DHRS12: variants seen among roughly 807,000 people sequenced by gnomAD.
DHRS12 encodes dehydrogenase/reductase SDR family member 12.
A neutral mutation model predicts 32.1 loss-of-function variants in DHRS12; 29 were observed. That is an observed-to-expected ratio of 0.90 (90% confidence interval 0.67 to 1.23). The LOEUF (loss-of-function observed/expected upper bound fraction) is 1.23, where lower values mean the gene tolerates loss of function less well. Among genes scored for constraint, DHRS12 ranks in the 50% most tolerant of loss-of-function variants. The pLI is 0.00. For missense variants in DHRS12, 330 were observed against 337.2 expected (o/e 0.98, Z 0.17); for synonymous variants, 150 against 135.9 (o/e 1.10, Z -0.72).
the DHRS12 span, among the ~76,000 whole-genome samples, chr13:51,755,876 C>T: frequency 6.6e-6 from 1 of 152,152 alleles, no homozygotes; most frequent in Non-Finnish European, 1.5e-5. Context: ...TTCCATGGTT[C>T]TGTTTGGTCT....
downstream of DHRS12, chr13:51,765,288 G>A (rs1408433801): frequency 2.0e-5 from 3 of 152,192 alleles, no homozygotes; most frequent in African/African-American, 4.8e-5. Flanking sequence ...CAAGAACCAC[G>A]TCAACCCTCC....
At chr13:51,770,213 TAGGCAA>T (rs1953949569) in intron 7 of DHRS12, among the ~76,000 whole-genome samples, 2 of 152,306 alleles carry the variant, frequency 1.3e-5, no homozygotes, top group South Asian at 4.1e-4. Flanking sequence ...GATAAACTGA[TAGGCAA>T]AAAGAAAAAA....
chr13:51,771,176 G>T lies in DHRS12; in HGVS notation c.559+645C>A. ...ACAAATGCGTTAATCCGCAGACAGC[G>T]CTGAGACCAGTTCTTGGCGCCGCGG... On this transcript the variant is annotated intron_variant, in intron 7 of 8. Transcript: ENST00000444610. 3.9e-6 allele frequency: 6 copies of T among 1,545,994 alleles called. No homozygotes were observed. In the South Asian group the frequency reaches 7.2e-5, roughly 18 times the overall value.
chr13:51,794,480 A>C (rs1186611110), intron 2 of DHRS12, among the ~76,000 whole-genome samples: 1 of 152,222 alleles, frequency 6.6e-6, no homozygotes, highest in Non-Finnish European at 1.5e-5. Context: ...AGAAGCTAGA[A>C]ATCCACATTG....
At chr13:51,776,708 G>A (rs1457084299) in intron 5 of DHRS12, among the ~76,000 whole-genome samples, 1 of 152,200 alleles carries the variant, frequency 6.6e-6, no homozygotes, top group African/African-American at 2.4e-5. Context: ...CCAGTAGCCA[G>A]TCCCTTCCCC....
intron 6 of DHRS12, 148 bp downstream of exon 6, chr13:51,773,782 G>A: frequency 1.5e-6 from 1 of 678,194 alleles, no homozygotes; most frequent in Non-Finnish European, 2.6e-6. Flanking sequence ...GCTCCCCAAA[G>A]GGGAGCCCTC....
Position 51,787,368 on chromosome 13 carries a change from A to G in DHRS12, c.301+2643T>C, listed in dbSNP as rs555120368. Among the ~76,000 whole-genome samples, 10 of 152,154 alleles carry G rather than the reference A, an allele frequency of 6.6e-5. No homozygotes were observed. In the South Asian group the frequency reaches 2.1e-3, roughly 32 times the overall value. On this transcript the variant is annotated intron_variant, in intron 4 of 8. Coordinates refer to ENST00000444610, the MANE Select transcript of DHRS12 (RefSeq NM_001377533.1). ...CTCCTTTTCATCTTCCAAAACCTTTAAGCTTCTCTGAGAGGTGCCCCCAAA... is the reference window on the plus strand; with the variant it reads ...CTCCTTTTCATCTTCCAAAACCTTTGAGCTTCTCTGAGAGGTGCCCCCAAA...
chr13:51,777,906 A>C (rs1440518106), intron 4 of DHRS12, among the ~76,000 whole-genome samples: 1 of 152,254 alleles, frequency 6.6e-6, no homozygotes, highest in Non-Finnish European at 1.5e-5. Context: ...GTTTACAAAA[A>C]AGGGAGAGTT....
downstream of DHRS12, chr13:51,767,424 A>AGAG (rs1696241093): frequency 6.6e-6 from 1 of 152,222 alleles, no homozygotes; most frequent in African/African-American, 2.4e-5. Flanking sequence ...GCCCTGGATC[A>AGAG]GAGTGTCTCC....
chr13:51,776,183 C>T (rs61958310), intron 5 of DHRS12: 2,383 of 42,090 alleles, frequency 0.057, 352 homozygotes, highest in South Asian at 0.15. Flanking sequence ...CCTACATGTA[C>T]TCTACAGTAT....
chr13:51,783,547 G>T (rs968839814), intron 4 of DHRS12, among the ~76,000 whole-genome samples: 1 of 152,152 alleles, frequency 6.6e-6, no homozygotes, highest in Non-Finnish European at 1.5e-5. Context: ...TGTGACAGAT[G>T]CAGTCATGTA....
chr13:51,770,256 C>T (rs1006156388), intron 7 of DHRS12, among the ~76,000 whole-genome samples: 3 of 152,158 alleles, frequency 2.0e-5, no homozygotes, highest in Admixed American at 6.5e-5. Flanking sequence ...TGTGTCACTC[C>T]GCGGTGACAC....
Position 51,804,027 on chromosome 13 carries a change from G to A in DHRS12, c.-9+27C>T, listed in dbSNP as rs1566315979. 7.5e-6 allele frequency: 11 copies of A among 1,463,288 alleles called. No individual in the cohort carries two copies. The East Asian group carries it at 2.1e-4, about 28-fold the overall frequency. 90.6% of individuals were successfully genotyped at this position (1,463,288 alleles called of 1,614,324 possible). A position where few individuals can be genotyped will look rare whatever the true frequency, so the allele number is the denominator to read the frequency against. ...GAGGCGGGCCACGTGACAGCCCGGG[G>A]CCCCGCGCCCCGCCGCGCCGCCTTA... On this transcript the variant is annotated intron_variant, in intron 1 of 8. Coordinates refer to ENST00000444610, the MANE Select transcript of DHRS12 (RefSeq NM_001377533.1).
chr13:51,768,024 T>G lies in DHRS12; in HGVS notation c.*163A>C, dbSNP rs555725154. 71 of 1,429,272 alleles carry G rather than the reference T, an allele frequency of 5.0e-5. No individual in the cohort carries two copies. The highest frequency in any genetic ancestry group is 6.3e-5 in the Non-Finnish European group (69 of 1,096,098). The allele number at this position is 1,429,272 out of a possible 1,614,324, so 88.5% of individuals were successfully genotyped here. A position where few individuals can be genotyped will look rare whatever the true frequency, so the allele number is the denominator to read the frequency against. ...GTGAGCCTGATCACAGCCTCGGTAG[T>G]ATTTATTTTGAAATAAAAGTTCCCA... On this transcript the variant is annotated 3_prime_UTR_variant, in exon 9 of 9. Coordinates refer to ENST00000444610, the MANE Select transcript of DHRS12 (RefSeq NM_001377533.1).
chr13:51,755,334 C>T, the DHRS12 span: 6 of 1,610,862 alleles, frequency 3.7e-6, no homozygotes, highest in Non-Finnish European at 5.1e-6. Context: ...CCACAGTGAC[C>T]TGTTCTGTGC....
intron 2 of DHRS12, among the ~76,000 whole-genome samples, chr13:51,797,130 G>A (rs1955543354): frequency 1.3e-5 from 2 of 152,190 alleles, no homozygotes; most frequent in South Asian, 4.1e-4. Flanking sequence ...TCCTTTTGGG[G>A]GTCAGGGTTT....
chr13:51,770,393 T>C (rs992704598), intron 7 of DHRS12, among the ~76,000 whole-genome samples: 1 of 152,162 alleles, frequency 6.6e-6, no homozygotes, highest in Non-Finnish European at 1.5e-5. Flanking sequence ...TAGAGCCCGC[T>C]GGTGGGCTTG....
intron 1 of DHRS12, among the ~76,000 whole-genome samples, chr13:51,800,506 C>A (rs939302135): frequency 1.3e-5 from 2 of 152,234 alleles, no homozygotes; most frequent in Non-Finnish European, 2.9e-5. Context: ...CACGCACAGG[C>A]AGGCTGGGGT....
intron 4 of DHRS12, among the ~76,000 whole-genome samples, chr13:51,778,193 G>C (rs1259127174): frequency 6.6e-6 from 1 of 152,242 alleles, no homozygotes; most frequent in Non-Finnish European, 1.5e-5. Context: ...ATTTTCAGGA[G>C]ATAATAGCTG....
Sources: gnomAD v4.1 joint callset for allele counts (sites outside exome capture counted in the v4.1 genomes callset) on GRCh38, gnomAD v4.1.1 for gene constraint, MANE v1.5 for transcripts, NCBI Gene and HGNC (gene_info 2026-07-23, HGNC 2026-07-21) for gene names.